NPPC: variants seen among roughly 807,000 people sequenced by gnomAD.
NPPC encodes the protein natriuretic peptide C, also known as C-type natriuretic peptide.
NPPC carries 4 observed loss-of-function variants against 10.2 expected under a neutral mutation model. That is an observed-to-expected ratio of 0.39 (90% CI 0.19 to 0.90). NPPC has a LOEUF of 0.90. Ranked by LOEUF, NPPC falls within the 40% of genes least tolerant of loss-of-function variation. The probability of loss-of-function intolerance (pLI) is 0.37; values close to 1 mark genes in which losing one functional copy is unlikely to be tolerated. For synonymous variants in NPPC, 83 were observed against 87.3 expected, an observed-to-expected ratio of 0.95 and a Z score of 0.27; for missense variants, 182 against 173.8, an observed-to-expected ratio of 1.05 and a Z score of -0.26.
Position 231,925,641 on chromosome 2 carries a change from C to G in NPPC, c.165G>C (p.Lys55Asn), listed in dbSNP as rs765037021. The G allele has an allele frequency of 6.2e-7, 1 of 1,606,542 alleles. No homozygotes were observed. Among genetic ancestry groups the G allele is most frequent in the Non-Finnish European group, 8.5e-7 (1 of 1,177,956 alleles). Residue 55 changes from lysine (K) to asparagine (N), a missense_variant, in exon 2 of 3, where the codon AAG becomes AAC. Lys to Asn is a moderately conservative substitution (Grantham distance 94). Coordinates refer to ENST00000409852, the MANE Select transcript of NPPC (RefSeq NM_024409.4). ...GATTGGCGCCCCCGCCCCCGGGAGC[C>G]TTGTCGCCCTTCTTCTGACCGCCGC... ...AAGGGQKKGDKAPGGGGANLK... is the reference protein window; with the variant it reads ...AAGGGQKKGDNAPGGGGANLK...
At chr2:231,924,786 ATTTAC>A (rs1691977155) in intron 2 of NPPC, among the ~76,000 whole-genome samples, 1 of 152,038 alleles carries the variant, frequency 6.6e-6, no homozygotes, top group African/African-American at 2.4e-5. Context: ...GGCAAATAAT[ATTTAC>A]TTTAGTGTCT....
At chr2:231,925,340 G>A (rs1691987783) in intron 2 of NPPC, 65 bp downstream of exon 2, 7 of 1,351,208 alleles carry the variant, frequency 5.2e-6, no homozygotes, top group Non-Finnish European at 6.7e-6. Context: ...CGCCTCCGAA[G>A]GCCGGCTGGG....
chr2:231,925,867 C>T (rs1480011965), intron 1 of NPPC, 152 bp from the exon 2 acceptor site: 5 of 1,006,144 alleles, frequency 5.0e-6, no homozygotes, highest in South Asian at 1.9e-5. Flanking sequence ...CCCGCATCCA[C>T]CTGCCACGCG....
In NPPC at chr2:231,922,116, C is replaced by G. The variant is rs375294638; in HGVS notation, c.*220G>C. The G allele has an allele frequency of 6.0e-5, 9 of 150,268 alleles. 1 individual carries two copies. The highest frequency in any genetic ancestry group is 6.0e-4 in the Admixed American group (9 of 15,062). The allele number at this position is 150,268 out of a possible 1,614,324, so 9.3% of individuals were successfully genotyped here. On this transcript the variant is annotated 3_prime_UTR_variant, in exon 3 of 3. Transcript: ENST00000409852. ...ATATAATATATAACTTTTTATTTTT[C>G]ATTTTAAAAAAACAAATAATAAAAT...
intron 2 of NPPC, among the ~76,000 whole-genome samples, chr2:231,923,157 G>A (rs1264298548): frequency 1.3e-5 from 2 of 152,218 alleles, no homozygotes; most frequent in Non-Finnish European, 2.9e-5. Flanking sequence ...GGGGACCTGG[G>A]CCAGAATGGC....
intron 2 of NPPC, 120 bp from the exon 3 acceptor site, chr2:231,922,435 C>G (rs1218365198): frequency 6.6e-6 from 1 of 152,288 alleles, no homozygotes; most frequent in Non-Finnish European, 1.5e-5. Context: ...GGATGTTCCC[C>G]TACCTCCGCC....
At chr2:231,923,998 T>C (rs1284634196) in intron 2 of NPPC, among the ~76,000 whole-genome samples, 2 of 152,246 alleles carry the variant, frequency 1.3e-5, no homozygotes, top group African/African-American at 4.8e-5. Flanking sequence ...GGTCCCCAAG[T>C]GTCAGAATCA....
rs750855595 is a variant in NPPC at position 231,925,470 on chromosome 2, G to T, written c.336C>A (p.Gly112=). Residue 112 remains glycine (G), a synonymous_variant, in exon 2 of 3, where the codon GGC becomes GGA. Transcript: ENST00000409852. ...NKKGLSKGCF[G]LKLDRIGSMS... is the part of the protein sequence containing the mutation. Reference sequence around the variant, plus strand: ...TGGAGCCGATTCGGTCCAGCTTGAGGCCGAAGCAGCCCTTGGACAAGCCCT... The same window carrying T: ...TGGAGCCGATTCGGTCCAGCTTGAGTCCGAAGCAGCCCTTGGACAAGCCCT... The T allele has an allele frequency of 4.3e-6, 7 of 1,612,446 alleles. No individual in the cohort carries two copies. The South Asian group carries it at 6.6e-5, about 15-fold the overall frequency.
chr2:231,926,218 A>T lies in NPPC; in HGVS notation c.32T>A (p.Leu11Gln), dbSNP rs929508187. 4.5e-6 allele frequency: 6 copies of T among 1,327,622 alleles called. No homozygotes were observed. The highest frequency in any genetic ancestry group is 1.5e-5 in the African/African-American group (1 of 65,530). 82.2% of individuals were successfully genotyped at this position (1,327,622 alleles called of 1,614,324 possible). A position where few individuals can be genotyped will look rare whatever the true frequency, so the allele number is the denominator to read the frequency against. The change falls in exon 1 of 3, where the codon CTG (leucine) becomes CAG (glutamine). Residue 11 changes from leucine to glutamine, a missense_variant. Leu to Gln is a moderately radical substitution (Grantham distance 113). Coordinates refer to ENST00000409852, the MANE Select transcript of NPPC (RefSeq NM_024409.4). ...CCGGAGGGAGAGCAGCGTGAGCAGCAGGGCGCAGGCCAGCAGCTGGGAGAG... is the reference window on the plus strand; with the variant it reads ...CCGGAGGGAGAGCAGCGTGAGCAGCTGGGCGCAGGCCAGCAGCTGGGAGAG... MHLSQLLACA[L>Q]LLTLLSLRPS...
Position 231,925,715 on chromosome 2 carries a change from C to T in NPPC, c.91G>A (p.Val31Ile), listed in dbSNP as rs762643714. The change falls in exon 2 of 3, where the codon GTC becomes ATC. Residue 31 changes from valine (V) to isoleucine (I), a missense_variant and splice_region_variant. Coordinates refer to ENST00000409852, the MANE Select transcript of NPPC (RefSeq NM_024409.4). ...SEAKPGAPPK[V>I]PRTPPAEELA... is the part of the protein sequence containing the mutation. ...TCCTCTGCCGGCGGGGTTCGCGGGACCTGTCCGAGGAAAGAGCGGGCAGGT... is the reference window on the plus strand; with the variant it reads ...TCCTCTGCCGGCGGGGTTCGCGGGATCTGTCCGAGGAAAGAGCGGGCAGGT... 3.2e-6 allele frequency: 5 copies of T among 1,559,346 alleles called. No homozygotes were observed. In the Admixed American group the frequency reaches 5.4e-5, roughly 17 times the overall value.
At chr2:231,923,575 A>G (rs1408784143) in intron 2 of NPPC, among the ~76,000 whole-genome samples, 2 of 152,150 alleles carry the variant, frequency 1.3e-5, no homozygotes, top group Admixed American at 6.5e-5. Context: ...ATAAATCCAC[A>G]CCGCCCTTCC....
At position 231,925,600 on chromosome 2, in the gene NPPC, G is replaced by T; in HGVS notation, c.206C>A (p.Ser69Ter). 1 of 1,611,444 alleles carries T rather than the reference G, an allele frequency of 6.2e-7. No homozygotes were observed. The highest frequency in any genetic ancestry group is 8.5e-7 in the Non-Finnish European group (1 of 1,179,330). ...CACGCGCAGGTCCCGGAGCAGTCGC[G>T]ACCGGTCGCCCTTGAGATTGGCGCC... ...GGGANLKGDRSRLLRDLRVDT... is the reference protein window; with the variant it reads ...GGGANLKGDR The change falls in exon 2 of 3, where the codon TCG (serine) becomes TAG (stop). Residue 69 changes from serine to a stop codon, truncating the protein, a stop_gained. Coordinates refer to ENST00000409852, the MANE Select transcript of NPPC (RefSeq NM_024409.4). LOFTEE classifies it high-confidence loss of function.
chr2:231,923,949 AAGAGAGC>A (rs1275751252), intron 2 of NPPC, among the ~76,000 whole-genome samples: 3 of 152,234 alleles, frequency 2.0e-5, no homozygotes, highest in African/African-American at 7.2e-5. Context: ...GACAGGAGAG[AAGAGAGC>A]AAAGGCATTC....
chr2:231,925,849 A>C (rs1465698417), intron 1 of NPPC, 134 bp from the exon 2 acceptor site: 5 of 1,126,910 alleles, frequency 4.4e-6, no homozygotes, highest in Non-Finnish European at 5.9e-6. Flanking sequence ...GATGCCGGCC[A>C]GCTTGGCCCC....
Position 231,926,368 on chromosome 2 carries a change from T to G in NPPC, c.-119A>C, listed in dbSNP as rs1051862362. The G allele has an allele frequency of 3.2e-4, 183 of 576,796 alleles. No individual in the cohort carries two copies. Among genetic ancestry groups the G allele is most frequent in the Non-Finnish European group, 4.4e-4 (170 of 390,060 alleles). The allele number at this position is 576,796 out of a possible 1,614,324, so 35.7% of individuals were successfully genotyped here. A position where few individuals can be genotyped will look rare whatever the true frequency, so the allele number is the denominator to read the frequency against. ...GGCTGCAGGGCGAGCAGGGTCCCAG[T>G]GCTGCGCGGCGCCGGCTGGGTGCGC... On this transcript the variant is annotated 5_prime_UTR_variant, in exon 1 of 3. Coordinates refer to ENST00000409852, the MANE Select transcript of NPPC (RefSeq NM_024409.4).
chr2:231,923,738 A>G (rs2106193018), intron 2 of NPPC, among the ~76,000 whole-genome samples: 1 of 152,358 alleles, frequency 6.6e-6, no homozygotes, highest in South Asian at 2.1e-4. Context: ...TTCCTCCTAC[A>G]CAGCATCTTT....
At chr2:231,925,251 C>A in intron 2 of NPPC, 154 bp downstream of exon 2, 1 of 638,488 alleles carries the variant, frequency 1.6e-6, no homozygotes, top group Non-Finnish European at 2.4e-6. Flanking sequence ...TTATCCTTCG[C>A]TTTCTTTGTC....
chr2:231,925,318 A>C, intron 2 of NPPC, 87 bp downstream of exon 2: 1 of 1,174,822 alleles, frequency 8.5e-7, no homozygotes, highest in Non-Finnish European at 1.1e-6. Flanking sequence ...ACTTGAGCAA[A>C]GGCGGCTCGC....
In NPPC at chr2:231,925,569, G is replaced by A. The variant is rs754532568; in HGVS notation, c.237C>T (p.Thr79=). 1.2e-6 allele frequency: 2 copies of A among 1,612,472 alleles called. No individual in the cohort carries two copies. ...SRLLRDLRVD[T]KSRAAWARLL... The stretch of plus-strand genomic sequence containing the variant: ...GGCGAGCCCACGCTGCCCGCGACTT[G>A]GTGTCCACGCGCAGGTCCCGGAGCA... Residue 79 remains threonine (T), a synonymous_variant, in exon 2 of 3, where the codon ACC becomes ACT. Coordinates refer to ENST00000409852, the MANE Select transcript of NPPC (RefSeq NM_024409.4).
Sources: allele counts gnomAD v4.1 joint callset (sites outside exome capture counted in the v4.1 genomes callset), GRCh38; gene constraint gnomAD v4.1.1; transcripts MANE v1.5; gene names NCBI Gene and HGNC (gene_info 2026-07-23, HGNC 2026-07-21).